CDH13: variants seen among roughly 807,000 people sequenced by gnomAD.
The protein encoded by CDH13 is cadherin 13.
A neutral mutation model predicts 63.8 loss-of-function variants in CDH13; 24 were observed. The ratio of observed to expected loss-of-function variants is 0.38; its 90% CI spans 0.27 to 0.53. CDH13 has a LOEUF of 0.53. CDH13 is among the 20% of genes least tolerant of loss of function. The pLI is 0.85. For synonymous variants in CDH13, 503 were observed against 355.3 expected (o/e 1.42, Z -4.67); for missense variants, 1,049 against 903.1 (o/e 1.16, Z -2.07).
rs145684131 is a variant in CDH13 at position 83,504,252 on chromosome 16, C to T, written c.960+17597C>T. Among the ~76,000 whole-genome samples, 146 of 152,278 alleles carry T rather than the reference C, an allele frequency of 9.6e-4. 1 individual carries two copies. In the Middle Eastern group the frequency reaches 0.027, roughly 28 times the overall value. On this transcript the variant is annotated intron_variant, in intron 7 of 13. Coordinates refer to ENST00000567109, the MANE Select transcript of CDH13 (RefSeq NM_001257.5). ...TGCACCCTTGGTGAAGCACAGGGCA[C>T]TAGAGAAGAGTGTTCACAACCTCCA...
intron 2 of CDH13, among the ~76,000 whole-genome samples, chr16:82,883,919 C>G (rs1225976945): frequency 6.6e-6 from 1 of 152,194 alleles, no homozygotes; most frequent in Non-Finnish European, 1.5e-5. Context: ...GGCTCTCCAA[C>G]TTAATGCCTG....
chr16:82,982,500 C>T (rs1053995141), intron 2 of CDH13, among the ~76,000 whole-genome samples: 5 of 152,294 alleles, frequency 3.3e-5, no homozygotes, highest in African/African-American at 1.2e-4. Flanking sequence ...TCCTGTATCC[C>T]TTGGCTTAGG....
chr16:82,976,276 G>A (rs981023420), intron 2 of CDH13, among the ~76,000 whole-genome samples: 8 of 152,028 alleles, frequency 5.3e-5, no homozygotes, highest in Admixed American at 3.9e-4. Flanking sequence ...CCACTTCCTG[G>A]GCCTCTGAAG....
intron 3 of CDH13, among the ~76,000 whole-genome samples, chr16:83,054,482 G>A (rs1321240333): frequency 6.6e-6 from 1 of 152,192 alleles, no homozygotes; most frequent in Non-Finnish European, 1.5e-5. Context: ...TATGTACAGT[G>A]TGGATACACC....
rs1403938184 is a variant in CDH13, at chr16:83,012,636, GACAA to G, written c.158-19370_158-19367del. 2.0e-5 allele frequency among the ~76,000 whole-genome samples: 3 copies of G among 152,208 alleles called. No homozygotes were observed. In the East Asian group the frequency reaches 5.8e-4, roughly 29 times the overall value. On this transcript the variant is annotated intron_variant, in intron 2 of 13. Transcript: ENST00000567109. ...TTAAGTATGGGAAACAGACCTTGAA[GACAA>G]ACAGTTTTGCACCCGAACTTGATCT...
chr16:83,692,782 G>C (rs1299706215), intron 10 of CDH13, among the ~76,000 whole-genome samples: 2 of 152,150 alleles, frequency 1.3e-5, no homozygotes, highest in East Asian at 3.9e-4. Context: ...TTACAGCCTT[G>C]CAAAGAAAAG....
intron 1 of CDH13, among the ~76,000 whole-genome samples, chr16:82,634,972 C>T (rs1007512783): frequency 6.6e-6 from 1 of 152,192 alleles, no homozygotes; most frequent in Non-Finnish European, 1.5e-5. Context: ...CTCTGCTCTC[C>T]TGGGGCTCAC....
chr16:83,445,376 C>G (rs1365430834), intron 6 of CDH13, among the ~76,000 whole-genome samples: 1 of 143,854 alleles, frequency 7.0e-6, no homozygotes, highest in African/African-American at 2.5e-5. Context: ...AGAAAAGCTT[C>G]CTAAGTTTTC....
At chr16:83,191,364 G>A (rs958412382) in intron 4 of CDH13, among the ~76,000 whole-genome samples, 2 of 147,154 alleles carry the variant, frequency 1.4e-5, no homozygotes, top group African/African-American at 5.0e-5. Context: ...AATCTGTAAA[G>A]GGAGGATAAT....
At chr16:83,460,985 ACACACACACG>A (rs1464825938) in intron 6 of CDH13, among the ~76,000 whole-genome samples, 200 of 134,040 alleles carry the variant, frequency 1.5e-3, no homozygotes, top group Middle Eastern at 3.7e-3. Context: ...GTCTCAAAAC[ACACACACACG>A]CACACACACA....
intron 6 of CDH13, among the ~76,000 whole-genome samples, chr16:83,435,626 T>C (rs2072272654): frequency 6.6e-6 from 1 of 152,176 alleles, no homozygotes; most frequent in African/African-American, 2.4e-5. Context: ...CATACTGTTC[T>C]CTCTGTCTGA....
At chr16:83,631,053 C>T (rs1158493468) in intron 8 of CDH13, among the ~76,000 whole-genome samples, 3 of 152,188 alleles carry the variant, frequency 2.0e-5, no homozygotes, top group East Asian at 1.9e-4. Flanking sequence ...TGCCGCAGAA[C>T]AGCTGGGCTA....
chr16:83,230,358 A>G (rs2039968084), intron 5 of CDH13, among the ~76,000 whole-genome samples: 1 of 152,196 alleles, frequency 6.6e-6, no homozygotes, highest in South Asian at 2.1e-4. Context: ...GAAGGGCTGC[A>G]TGAAGTATCT....
rs377367805 is a variant in CDH13 at position 83,183,484 on chromosome 16, C to T, written c.484-33861C>T. ...ATATGCTACACATGGGAATTGGGTACGCACCAAGTCCTTTAGAAAAATCCC... is the reference window on the plus strand; with the variant it reads ...ATATGCTACACATGGGAATTGGGTATGCACCAAGTCCTTTAGAAAAATCCC... On this transcript the variant is annotated intron_variant, in intron 4 of 13. Transcript: ENST00000567109. Among the ~76,000 whole-genome samples, 109 of 152,320 alleles carry T rather than the reference C, an allele frequency of 7.2e-4. 1 individual carries two copies. The South Asian group carries it at 0.018, about 25-fold the overall frequency.
chr16:83,407,216 T>G (rs1378747756), intron 6 of CDH13, among the ~76,000 whole-genome samples: 1 of 152,252 alleles, frequency 6.6e-6, no homozygotes, highest in African/African-American at 2.4e-5. Context: ...ACATGCTATT[T>G]GCATCCTGGA....
At chr16:83,150,142 C>T (rs529636902) in intron 4 of CDH13, among the ~76,000 whole-genome samples, 1 of 150,760 alleles carries the variant, frequency 6.6e-6, no homozygotes, top group South Asian at 2.1e-4. Flanking sequence ...ACCAACTTCT[C>T]TTGCTGGACT....
intron 1 of CDH13, among the ~76,000 whole-genome samples, chr16:82,820,261 T>G (rs1171462659): frequency 6.6e-6 from 1 of 152,202 alleles, no homozygotes; most frequent in African/African-American, 2.4e-5. Context: ...GCACAGAGAC[T>G]GGCACACAAT....
intron 1 of CDH13, among the ~76,000 whole-genome samples, chr16:82,698,521 G>A (rs1275248456): frequency 1.3e-5 from 2 of 152,222 alleles, no homozygotes; most frequent in South Asian, 2.1e-4. Flanking sequence ...GCTTGTTCAC[G>A]TATTTGAGGT....
chr16:83,636,528 C>A (rs927352058), intron 8 of CDH13, among the ~76,000 whole-genome samples: 3 of 152,158 alleles, frequency 2.0e-5, no homozygotes, highest in Non-Finnish European at 4.4e-5. Context: ...GGACTGAGAA[C>A]CTGCAGTGTT....
Sources: allele counts gnomAD v4.1 joint callset (sites outside exome capture counted in the v4.1 genomes callset), GRCh38; gene constraint gnomAD v4.1.1; transcripts MANE v1.5; gene names NCBI Gene and HGNC (gene_info 2026-07-23, HGNC 2026-07-21).